LYPD6: variants seen among roughly 807,000 people sequenced by gnomAD.
The protein encoded by LYPD6 is ly6/PLAUR domain-containing protein 6.
A neutral mutation model predicts 22.7 loss-of-function variants in LYPD6; 15 were observed. The observed-to-expected ratio is 0.66, with a 90% CI of 0.44 to 1.02. The LOEUF is 1.02. Ranked by LOEUF, LYPD6 falls within the 50% of genes least tolerant of loss-of-function variation. The pLI, the probability that LYPD6 is intolerant of heterozygous loss-of-function variation, is 0.00. For missense variants in LYPD6, 189 were observed against 208.4 expected, an observed-to-expected ratio of 0.91 and a Z score of 0.57; for synonymous variants, 72 against 77.5, an observed-to-expected ratio of 0.93 and a Z score of 0.37.
intron 1 of LYPD6, among the ~76,000 whole-genome samples, chr2:149,437,432 G>T (rs1683458285): frequency 6.6e-6 from 1 of 152,110 alleles, no homozygotes; most frequent in African/African-American, 2.4e-5. Flanking sequence ...GCTACCAGTG[G>T]AGCCTTAGCA....
intron 1 of LYPD6, among the ~76,000 whole-genome samples, chr2:149,413,176 C>G (rs1682889858): frequency 1.3e-5 from 2 of 152,034 alleles, no homozygotes; most frequent in African/African-American, 4.8e-5. Context: ...TTTGGGAGTC[C>G]CGAACTGGGT....
intron 1 of LYPD6, among the ~76,000 whole-genome samples, chr2:149,379,585 T>C (rs1299799676): frequency 1.3e-5 from 2 of 152,124 alleles, no homozygotes; most frequent in Non-Finnish European, 2.9e-5. Context: ...TTACCTTGGG[T>C]GGGTGCTTCA....
At chr2:149,333,940 G>A (rs1424361378) in intron 1 of LYPD6, among the ~76,000 whole-genome samples, 1 of 152,076 alleles carries the variant, frequency 6.6e-6, no homozygotes, top group African/African-American at 2.4e-5. Context: ...GTCTCTAAAA[G>A]GGAATTCAAT....
chr2:149,396,586 TGGAG>T (rs1682433726), intron 1 of LYPD6, among the ~76,000 whole-genome samples: 1 of 152,196 alleles, frequency 6.6e-6, no homozygotes, highest in African/African-American at 2.4e-5. Flanking sequence ...CCCCTGTCCC[TGGAG>T]ATCTCTGCTC....
intron 3 of LYPD6, among the ~76,000 whole-genome samples, chr2:149,459,428 G>T (rs1014153042): frequency 6.6e-6 from 1 of 152,140 alleles, no homozygotes; most frequent in East Asian, 1.9e-4. Context: ...AATGATAAAA[G>T]AAGGAAACTT....
In LYPD6 at chr2:149,425,025, G is replaced by T. The variant is rs370397981; in HGVS notation, c.-71-12613G>T. Reference sequence around the variant, plus strand: ...TCCACAGCTCGCACCTGCCCCTCAGGTTGTGTGTCATCCCTGTCTCTCTCC... The same window carrying T: ...TCCACAGCTCGCACCTGCCCCTCAGTTTGTGTGTCATCCCTGTCTCTCTCC... On this transcript the variant is annotated intron_variant, in intron 1 of 4. Coordinates refer to ENST00000334166, the MANE Select transcript of LYPD6 (RefSeq NM_194317.5). Among the ~76,000 whole-genome samples the T allele has an allele frequency of 7.2e-5, 11 of 152,224 alleles. 1 individual carries two copies. The South Asian group carries it at 2.3e-3, about 32-fold the overall frequency.
intron 1 of LYPD6, among the ~76,000 whole-genome samples, chr2:149,332,650 G>A (rs1207218299): frequency 2.0e-5 from 3 of 152,084 alleles, no homozygotes; most frequent in Non-Finnish European, 2.9e-5. Flanking sequence ...TACCTCACCC[G>A]TTCCCTTCCT....
At chr2:149,356,765 A>G in intron 1 of LYPD6, among the ~76,000 whole-genome samples, 1 of 152,186 alleles carries the variant, frequency 6.6e-6, no homozygotes, top group East Asian at 1.9e-4. Flanking sequence ...CTTTTCTTAA[A>G]GGCTAAATGT....
At chr2:149,448,701 A>G (rs1573816796) in intron 2 of LYPD6, among the ~76,000 whole-genome samples, 1 of 152,248 alleles carries the variant, frequency 6.6e-6, no homozygotes, top group Admixed American at 6.5e-5. Context: ...GAAAGTAGTA[A>G]TAGTTCATTC....
At chr2:149,416,919 C>T (rs1490396904) in intron 1 of LYPD6, among the ~76,000 whole-genome samples, 3 of 152,178 alleles carry the variant, frequency 2.0e-5, no homozygotes, top group Non-Finnish European at 4.4e-5. Flanking sequence ...ACACTGGATT[C>T]CATGGTCTTG....
the LYPD6 span, among the ~76,000 whole-genome samples, chr2:149,480,575 G>A: frequency 6.6e-6 from 1 of 152,128 alleles, no homozygotes; most frequent in Non-Finnish European, 1.5e-5. Flanking sequence ...TGTGTGTGGG[G>A]GGGTGTTTGT....
intron 1 of LYPD6, among the ~76,000 whole-genome samples, chr2:149,362,555 G>A (rs1434855788): frequency 6.6e-6 from 1 of 152,172 alleles, no homozygotes; most frequent in Non-Finnish European, 1.5e-5. Context: ...CAGAATGGCT[G>A]AGACTAGGCA....
Position 149,471,608 on chromosome 2 carries a change from T to G in LYPD6, c.*758T>G, listed in dbSNP as rs1244079580. 2.6e-5 allele frequency: 4 copies of G among 152,246 alleles called. No individual in the cohort carries two copies. Among genetic ancestry groups the G allele is most frequent in the Non-Finnish European group, 5.9e-5 (4 of 68,040 alleles). The allele number at this position is 152,246 out of a possible 1,614,324, so 9.4% of individuals were successfully genotyped here. A position where few individuals can be genotyped will look rare whatever the true frequency, so the allele number is the denominator to read the frequency against. On this transcript the variant is annotated 3_prime_UTR_variant, in exon 5 of 5. Coordinates refer to ENST00000334166, the MANE Select transcript of LYPD6 (RefSeq NM_194317.5). ...CCTTCTCCTTGACTTGGCACCTAAT[T>G]ATGCTTCATGAGATCCTAGATTCCA...
chr2:149,399,545 AT>A (rs2105107165), intron 1 of LYPD6, among the ~76,000 whole-genome samples: 1 of 152,182 alleles, frequency 6.6e-6, no homozygotes, highest in African/African-American at 2.4e-5. Context: ...TGCCAAAGGG[AT>A]CATGCCCTCA....
At chr2:149,446,708 G>A (rs1003868623) in intron 2 of LYPD6, among the ~76,000 whole-genome samples, 1 of 152,100 alleles carries the variant, frequency 6.6e-6, no homozygotes, top group African/African-American at 2.4e-5. Flanking sequence ...GTGAGAGAGA[G>A]CACGCAGATG....
At chr2:149,469,938 A>G (rs1016805618) in intron 4 of LYPD6, among the ~76,000 whole-genome samples, 7 of 152,184 alleles carry the variant, frequency 4.6e-5, no homozygotes, top group Non-Finnish European at 8.8e-5. Flanking sequence ...ATTAATAACC[A>G]TCCTATGACT....
At chr2:149,401,938 A>G (rs1163947776) in intron 1 of LYPD6, among the ~76,000 whole-genome samples, 2 of 151,980 alleles carry the variant, frequency 1.3e-5, no homozygotes, top group Non-Finnish European at 2.9e-5. Context: ...CTTAGCTCCA[A>G]CATATGAGTG....
chr2:149,414,418 A>G (rs1342882019), intron 1 of LYPD6, among the ~76,000 whole-genome samples: 1 of 152,206 alleles, frequency 6.6e-6, no homozygotes, highest in African/African-American at 2.4e-5. Flanking sequence ...TTTCTAAAAA[A>G]ATAGTATTTT....
At chr2:149,383,449 C>T (rs1682112937) in intron 1 of LYPD6, among the ~76,000 whole-genome samples, 2 of 152,072 alleles carry the variant, frequency 1.3e-5, no homozygotes, top group African/African-American at 4.8e-5. Flanking sequence ...CAAAATTAAA[C>T]TCAACATCTG....
Sources: allele counts gnomAD v4.1 joint callset (sites outside exome capture counted in the v4.1 genomes callset), GRCh38; gene constraint gnomAD v4.1.1; transcripts MANE v1.5; gene names NCBI Gene and HGNC (gene_info 2026-07-23, HGNC 2026-07-21).